STXBP5L: variants seen among roughly 807,000 people sequenced by gnomAD.
The protein encoded by STXBP5L is syntaxin-binding protein 5-like.
In STXBP5L, 65 loss-of-function variants were observed where a neutral mutation model predicts 144.5. The observed-to-expected ratio is 0.45, with a 90% CI of 0.37 to 0.55. The LOEUF (loss-of-function observed/expected upper bound fraction) is 0.55. Among genes scored for constraint, STXBP5L ranks in the 20% least tolerant of loss-of-function variants. The probability of loss-of-function intolerance (pLI) is 0.00; values close to 1 mark genes in which losing one functional copy is unlikely to be tolerated. For missense variants in STXBP5L, 1,298 were observed against 1,405.5 expected (o/e 0.92, Z 1.22); for synonymous variants, 505 against 469.6 (o/e 1.08, Z -0.97).
At chr3:121,205,879 A>T in intron 9 of STXBP5L, 44 bp from the exon 10 acceptor site, 1 of 1,038,816 alleles carries the variant, frequency 9.6e-7, no homozygotes, top group Non-Finnish European at 1.4e-6. Context: ...CTTACAGATG[A>T]ATATAATTTA....
chr3:121,097,891 AT>A, intron 5 of STXBP5L, among the ~76,000 whole-genome samples: 1 of 152,186 alleles, frequency 6.6e-6, no homozygotes, highest in Non-Finnish European at 1.5e-5. Flanking sequence ...ATTACATTTA[AT>A]TTTGTAATCT....
intron 5 of STXBP5L, among the ~76,000 whole-genome samples, chr3:121,082,817 A>T (rs1322338056): frequency 6.6e-6 from 1 of 152,208 alleles, no homozygotes; most frequent in Non-Finnish European, 1.5e-5. Context: ...TGATTTTTGA[A>T]TATTGAGCTA....
At chr3:121,146,089 C>T (rs2107961397) in intron 7 of STXBP5L, among the ~76,000 whole-genome samples, 1 of 152,148 alleles carries the variant, frequency 6.6e-6, no homozygotes, top group African/African-American at 2.4e-5. Flanking sequence ...GGCCTTCAAA[C>T]ACAGACTAAA....
At chr3:121,084,874 C>T (rs2042415857) in intron 5 of STXBP5L, among the ~76,000 whole-genome samples, 1 of 152,158 alleles carries the variant, frequency 6.6e-6, no homozygotes, top group Non-Finnish European at 1.5e-5. Context: ...TCGCCAGCAT[C>T]TGTTGTTTCT....
At chr3:121,351,067 G>T (rs1389934095) in intron 20 of STXBP5L, among the ~76,000 whole-genome samples, 4 of 152,056 alleles carry the variant, frequency 2.6e-5, no homozygotes, top group African/African-American at 7.2e-5. Context: ...TTTCTGCTCT[G>T]TTTTTTCCCC....
chr3:121,037,783 G>T (rs1330929208), intron 3 of STXBP5L, among the ~76,000 whole-genome samples: 1 of 151,770 alleles, frequency 6.6e-6, no homozygotes, highest in Non-Finnish European at 1.5e-5. Context: ...ATAAGTAATG[G>T]TATCTTGACC....
intron 5 of STXBP5L, among the ~76,000 whole-genome samples, chr3:121,083,155 C>T (rs572785112): frequency 5.9e-5 from 9 of 151,998 alleles, no homozygotes; most frequent in Admixed American, 2.6e-4. Context: ...GCCAAGATTT[C>T]GCCACTGCAC....
chr3:120,968,848 C>T (rs1221896976), intron 3 of STXBP5L, among the ~76,000 whole-genome samples: 1 of 152,118 alleles, frequency 6.6e-6, no homozygotes, highest in East Asian at 1.9e-4. Flanking sequence ...TGGCCTCCCG[C>T]TCCATCTAAG....
chr3:121,088,332 CAT>C (rs1408753432), intron 5 of STXBP5L, among the ~76,000 whole-genome samples: 1 of 115,060 alleles, frequency 8.7e-6, no homozygotes, highest in Non-Finnish European at 1.8e-5. Flanking sequence ...CCAAAAAACA[CAT>C]GAAGAAATGC....
intron 3 of STXBP5L, among the ~76,000 whole-genome samples, chr3:121,017,886 G>C (rs116143910): frequency 1.3e-5 from 2 of 152,000 alleles, no homozygotes; most frequent in Non-Finnish European, 2.9e-5. Context: ...AGTCTGGCCC[G>C]GGGCAATGTT....
intron 5 of STXBP5L, among the ~76,000 whole-genome samples, chr3:121,045,808 G>T (rs1465877284): frequency 1.3e-5 from 2 of 152,096 alleles, no homozygotes; most frequent in African/African-American, 4.8e-5. Context: ...TCTTCAAAGA[G>T]AGATAATTTG....
intron 3 of STXBP5L, among the ~76,000 whole-genome samples, chr3:120,959,459 A>G (rs951764760): frequency 6.6e-6 from 1 of 152,238 alleles, no homozygotes; most frequent in Non-Finnish European, 1.5e-5. Flanking sequence ...TCCTAAGCCA[A>G]CAGAACAAAG....
chr3:120,993,365 T>A (rs1171715525), intron 3 of STXBP5L, among the ~76,000 whole-genome samples: 2 of 152,124 alleles, frequency 1.3e-5, no homozygotes, highest in African/African-American at 4.8e-5. Context: ...TTTTACAGTC[T>A]TTCTTAATAA....
intron 7 of STXBP5L, among the ~76,000 whole-genome samples, chr3:121,125,689 T>C (rs553438037): frequency 6.6e-6 from 1 of 152,250 alleles, no homozygotes; most frequent in Non-Finnish European, 1.5e-5. Context: ...ACAACGGCTG[T>C]TTGCTTCACT....
chr3:120,979,431 T>G (rs1219612487), intron 3 of STXBP5L, among the ~76,000 whole-genome samples: 5 of 152,150 alleles, frequency 3.3e-5, no homozygotes, highest in Admixed American at 3.3e-4. Flanking sequence ...CGTGACCCAA[T>G]TTTCCAGGTG....
rs193015401 is a variant in STXBP5L, at chr3:121,062,337, G to C, written c.470+16802G>C. 3.0e-3 allele frequency among the ~76,000 whole-genome samples: 464 copies of C among 152,220 alleles called. 5 individuals are homozygous for C. Among genetic ancestry groups the C allele is most frequent in the African/African-American group, 0.011 (447 of 41,548 alleles). ...ATTTTCCCCCCACTTTCTTCTGGCT[G>C]GTAGGGTTTCTGCAGAGAGATCTGC... On this transcript the variant is annotated intron_variant, in intron 5 of 26. Coordinates refer to ENST00000471454, the MANE Select transcript of STXBP5L (RefSeq NM_001308330.2).
intron 20 of STXBP5L, among the ~76,000 whole-genome samples, chr3:121,378,212 T>C (rs1478269331): frequency 6.6e-6 from 1 of 152,030 alleles, no homozygotes; most frequent in African/African-American, 2.4e-5. Context: ...GACAAATACC[T>C]AATGCATGTG....
At chr3:121,258,018 T>G (rs1289569193) in intron 17 of STXBP5L, among the ~76,000 whole-genome samples, 3 of 152,206 alleles carry the variant, frequency 2.0e-5, no homozygotes, top group Non-Finnish European at 4.4e-5. Context: ...TACTATCTAC[T>G]ACAAGAGTTC....
chr3:121,228,687 C>G (rs762874039), intron 11 of STXBP5L, among the ~76,000 whole-genome samples: 19 of 152,074 alleles, frequency 1.2e-4, no homozygotes, highest in Non-Finnish European at 2.4e-4. Context: ...ACCAGCCTGG[C>G]CAACATGGTG....
Sources: gnomAD v4.1 joint callset for allele counts (sites outside exome capture counted in the v4.1 genomes callset) on GRCh38, gnomAD v4.1.1 for gene constraint, MANE v1.5 for transcripts, NCBI Gene and HGNC (gene_info 2026-07-23, HGNC 2026-07-21) for gene names.